The following HDAC4 variants were observed in gnomAD, a reference collection of about 807,000 sequenced individuals.
The protein encoded by HDAC4 is histone deacetylase 4.
A neutral mutation model predicts 135.1 loss-of-function variants in HDAC4; 16 were observed. The observed-to-expected ratio is 0.12, with a 90% CI of 0.08 to 0.18. HDAC4 has a LOEUF of 0.18. HDAC4 is among the 10% of genes least tolerant of loss of function. The pLI is 1.00. For missense variants in HDAC4, 1,143 were observed against 1,511.8 expected (o/e 0.76, Z 4.05); for synonymous variants, 685 against 653.4 (o/e 1.05, Z -0.74).
Position 239,141,629 on chromosome 2 carries a change from G to A in HDAC4, c.866-1833C>T, listed in dbSNP as rs2041383519. Among the ~76,000 whole-genome samples, 1 of 152,088 alleles carries A rather than the reference G, an allele frequency of 6.6e-6. No individual in the cohort carries two copies. The highest frequency in any genetic ancestry group is 1.5e-5 in the Non-Finnish European group (1 of 68,002). On this transcript the variant is annotated intron_variant, in intron 8 of 26. Transcript: ENST00000543185. The surrounding 1 kb of genome is among the most constrained non-coding windows in gnomAD (Gnocchi z 4.9). ...CTCTCCCATCTCTGCCCCACCTGCA[G>A]CCCACCGTAGCCCACCCTAGACCCC...
Position 239,352,706 on chromosome 2 carries a change from C to T in HDAC4, c.-7G>A, listed in dbSNP as rs748844803. The T allele has an allele frequency of 1.5e-5, 24 of 1,557,502 alleles. 1 individual carries two copies. In the South Asian group the frequency reaches 2.7e-4, roughly 18 times the overall value. On this transcript the variant is annotated 5_prime_UTR_variant, in exon 2 of 27. Coordinates refer to ENST00000543185, the MANE Select transcript of HDAC4 (RefSeq NM_001378414.1). The surrounding 1 kb of genome is among the most constrained non-coding windows in gnomAD (Gnocchi z 4.4). ...GATGGCTTTGGGAGCTCATTGCTAG[C>T]AATGTCCACTCCTTTAAGTGATTCG...
intron 22 of HDAC4, among the ~76,000 whole-genome samples, chr2:239,078,440 G>A (rs1223658550): frequency 1.3e-5 from 2 of 152,120 alleles, no homozygotes; most frequent in African/African-American, 4.8e-5. Flanking sequence ...AGAAGAAAGG[G>A]GAAAACCAAT....
chr2:239,068,594 G>T lies in HDAC4; in HGVS notation c.2764C>A (p.Pro922Thr). The T allele has an allele frequency of 6.2e-7, 1 of 1,613,822 alleles. No individual in the cohort carries two copies. The highest frequency in any genetic ancestry group is 8.5e-7 in the Non-Finnish European group (1 of 1,179,912). Reference sequence around the variant, plus strand: ...TCCGGGGCAAACTCGCTGGCGATCGGCATGACCACCGTTCTGCAAAGGACA... The same window carrying T: ...TCCGGGGCAAACTCGCTGGCGATCGTCATGACCACCGTTCTGCAAAGGACA... The part of the protein sequence containing the change: ...YLAAFRTVVM[P>T]IASEFAPDVV... The change falls in exon 23 of 27, where the codon CCG (proline) becomes ACG (threonine). Residue 922 changes from proline (P) to threonine (T), a missense_variant. Around this residue, in one of 9 missense-constraint regions of HDAC4, gnomAD observed 189 missense variants for 317.6 expected, o/e 0.60. Transcript: ENST00000543185. The surrounding 1 kb of genome is among the most constrained non-coding windows in gnomAD (Gnocchi z 4.4).
At chr2:239,109,609 TA>T (rs10543545) in intron 14 of HDAC4, among the ~76,000 whole-genome samples, 21,888 of 145,288 alleles carry the variant, frequency 0.15, 1,864 homozygotes, top group Admixed American at 0.28. Flanking sequence ...GGACTTCTGG[TA>T]AAAAAAAAAA....
chr2:239,374,660 C>T (rs1694878941), intron 1 of HDAC4, among the ~76,000 whole-genome samples: 1 of 152,020 alleles, frequency 6.6e-6, no homozygotes, highest in Non-Finnish European at 1.5e-5. Context: ...GCCTCGGCCT[C>T]CCAAAGTGCT....
In HDAC4 at chr2:239,146,382, G is replaced by A. The variant is rs892365758; in HGVS notation, c.734-1668C>T. Among the ~76,000 whole-genome samples, 1 of 152,220 alleles carries A rather than the reference G, an allele frequency of 6.6e-6. No homozygotes were observed. Among genetic ancestry groups the A allele is most frequent in the Admixed American group, 6.5e-5 (1 of 15,290 alleles). On this transcript the variant is annotated intron_variant, in intron 7 of 26. Coordinates refer to ENST00000543185, the MANE Select transcript of HDAC4 (RefSeq NM_001378414.1). This position sits in a 1 kb window ranked among gnomAD's most constrained non-coding sequence, Gnocchi z 4.5. The stretch of plus-strand genomic sequence containing the variant: ...ACAGGAGCCACTTCTGAGAGGCAGG[G>A]GCTGTGTGTGCCCACAGAAGAGCAC...
At chr2:239,082,049 C>A in intron 21 of HDAC4, 53 bp downstream of exon 21, 1 of 1,600,562 alleles carries the variant, frequency 6.2e-7, no homozygotes, top group South Asian at 1.1e-5. Context: ...GCCCCCACAG[C>A]GGCTCCCCGC....
At chr2:239,279,841 C>T (rs1019010038) in intron 2 of HDAC4, among the ~76,000 whole-genome samples, 3 of 152,190 alleles carry the variant, frequency 2.0e-5, no homozygotes, top group East Asian at 1.9e-4. Context: ...CAGCTCTCAC[C>T]GGGCTTCTCC....
intron 3 of HDAC4, among the ~76,000 whole-genome samples, chr2:239,196,203 A>G (rs2045368049): frequency 6.6e-6 from 1 of 152,210 alleles, no homozygotes; most frequent in Admixed American, 6.5e-5. Flanking sequence ...ACAGCACATC[A>G]GAAATGCATG....
At chr2:239,398,780 A>G (rs1696734920) in intron 1 of HDAC4, among the ~76,000 whole-genome samples, 1 of 152,228 alleles carries the variant, frequency 6.6e-6, no homozygotes, top group Non-Finnish European at 1.5e-5. Flanking sequence ...TAGGCCTTCC[A>G]GGCCCATATG....
chr2:239,062,643 A>AT (rs1559355636), intron 24 of HDAC4, among the ~76,000 whole-genome samples: 1 of 152,248 alleles, frequency 6.6e-6, no homozygotes, highest in African/African-American at 2.4e-5. Context: ...ATGGTAGAAT[A>AT]TATACGTCAG....
Position 239,141,264 on chromosome 2 carries a change from T to C in HDAC4, c.866-1468A>G, listed in dbSNP as rs1401213433. On this transcript the variant is annotated intron_variant, in intron 8 of 26. Coordinates refer to ENST00000543185, the MANE Select transcript of HDAC4 (RefSeq NM_001378414.1). The surrounding 1 kb of genome is among the most constrained non-coding windows in gnomAD (Gnocchi z 4.9). ...CATCTTGCCCTCAACAGCAGGGCAG[T>C]CTAAACCTCCCAAGGGCAAACCAGG... Among the ~76,000 whole-genome samples the C allele has an allele frequency of 6.6e-6, 1 of 151,982 alleles. No homozygotes were observed. The highest frequency in any genetic ancestry group is 1.5e-5 in the Non-Finnish European group (1 of 67,986).
At chr2:239,079,849 A>C (rs952189413) in intron 22 of HDAC4, among the ~76,000 whole-genome samples, 7 of 150,158 alleles carry the variant, frequency 4.7e-5, no homozygotes, top group Non-Finnish European at 1.0e-4. Context: ...TATACACACA[A>C]AGACATGTGC....
At chr2:239,120,904 GGTTTGTCT>G (rs950129795) in intron 12 of HDAC4, among the ~76,000 whole-genome samples, 1 of 152,070 alleles carries the variant, frequency 6.6e-6, no homozygotes, top group African/African-American at 2.4e-5. Context: ...CGAGGAAAAG[GGTTTGTCT>G]GTTTGCCTTT....
intron 2 of HDAC4, among the ~76,000 whole-genome samples, chr2:239,302,894 G>A (rs1381536754): frequency 6.6e-6 from 1 of 152,226 alleles, no homozygotes; most frequent in Non-Finnish European, 1.5e-5. Flanking sequence ...GGGCGTGCGG[G>A]GAATGGCATT....
chr2:239,216,394 C>G (rs920482718), intron 3 of HDAC4, among the ~76,000 whole-genome samples: 8 of 152,112 alleles, frequency 5.3e-5, no homozygotes, highest in African/African-American at 1.9e-4. Flanking sequence ...ACCTTAAAGA[C>G]AACTGGCGAT....
In HDAC4 at chr2:239,139,849, G is replaced by C. The variant is rs1029932799; in HGVS notation, c.866-53C>G. ...TGTTACTCCATGCGGAGGGAGGGCCGTGCTGACCTGTGGCCCGAATGCCCG... is the reference window on the plus strand; with the variant it reads ...TGTTACTCCATGCGGAGGGAGGGCCCTGCTGACCTGTGGCCCGAATGCCCG... On this transcript the variant is annotated intron_variant, in intron 8 of 26. Transcript: ENST00000543185. This position sits in a 1 kb window ranked among gnomAD's most constrained non-coding sequence, Gnocchi z 5.3. 13 of 1,490,634 alleles carry C rather than the reference G, an allele frequency of 8.7e-6. No individual in the cohort carries two copies. The highest frequency in any genetic ancestry group is 1.0e-5 in the Non-Finnish European group (11 of 1,070,072). The allele number at this position is 1,490,634 out of a possible 1,614,324, so 92.3% of individuals were successfully genotyped here.
At chr2:239,301,762 G>A (rs1185373189) in intron 2 of HDAC4, among the ~76,000 whole-genome samples, 1 of 152,150 alleles carries the variant, frequency 6.6e-6, no homozygotes, top group East Asian at 1.9e-4. Flanking sequence ...GGGATTACAA[G>A]TGAGAGCCAC....
chr2:239,227,719 G>A (rs189618107), intron 3 of HDAC4, among the ~76,000 whole-genome samples: 35 of 152,294 alleles, frequency 2.3e-4, no homozygotes, highest in African/African-American at 3.6e-4. Context: ...GTCTCTGCCC[G>A]GTGAAATGAG....
Sources: allele counts gnomAD v4.1 joint callset (sites outside exome capture counted in the v4.1 genomes callset), GRCh38; gene constraint gnomAD v4.1.1; regional missense constraint gnomAD v4.1.1; non-coding constraint Gnocchi (gnomAD v3.1); transcripts MANE v1.5; gene names NCBI Gene and HGNC (gene_info 2026-07-23, HGNC 2026-07-21).